TRDN: variants seen among roughly 807,000 people sequenced by gnomAD.
TRDN encodes the protein triadin, also known as triadin in skeletal muscle.
Under a neutral mutation model 149.7 loss-of-function variants are expected in TRDN, and 161 were observed. The observed-to-expected ratio is 1.08, with a 90% confidence interval of 0.95 to 1.23. The LOEUF (loss-of-function observed/expected upper bound fraction) is 1.23. Ranked by LOEUF, TRDN falls within the 50% of genes most tolerant of loss-of-function variation. The pLI is 0.00. For missense variants in TRDN, 896 were observed against 823.5 expected, an observed-to-expected ratio of 1.09 and a Z score of -1.08; for synonymous variants, 294 against 250.5, an observed-to-expected ratio of 1.17 and a Z score of -1.64.
In TRDN at chr6:123,236,530, T is replaced by G. The variant is rs141035875; in HGVS notation, c.1976-12399A>C. On this transcript the variant is annotated intron_variant, in intron 38 of 40. Coordinates refer to ENST00000334268, the MANE Select transcript of TRDN (RefSeq NM_006073.4). Reference sequence around the variant, plus strand: ...TGTCTTGTAACTCTTTGTCTAATGTTAGGTCTCAAAGATGTTTTCTCCTAA... The same window carrying G: ...TGTCTTGTAACTCTTTGTCTAATGTGAGGTCTCAAAGATGTTTTCTCCTAA... 8.9e-4 allele frequency among the ~76,000 whole-genome samples: 135 copies of G among 152,316 alleles called. No homozygotes were observed. In the East Asian group the frequency reaches 0.025, roughly 28 times the overall value.
chr6:123,524,607 C>T (rs1051594455), intron 5 of TRDN, among the ~76,000 whole-genome samples: 1 of 152,034 alleles, frequency 6.6e-6, no homozygotes, highest in Non-Finnish European at 1.5e-5. Context: ...AAGCTCTTCA[C>T]ATATAGTAAG....
intron 23 of TRDN, among the ~76,000 whole-genome samples, chr6:123,330,675 A>G (rs373105685): frequency 3.5e-4 from 53 of 152,196 alleles, no homozygotes; most frequent in African/African-American, 1.1e-3. Context: ...CTGAGAAAAA[A>G]AATCATGTTG....
chr6:123,577,213 G>A (rs1280316283), intron 1 of TRDN, among the ~76,000 whole-genome samples: 2 of 151,918 alleles, frequency 1.3e-5, no homozygotes, highest in African/African-American at 4.8e-5. Context: ...ATTTCACGGG[G>A]GTTTGTTGTA....
At chr6:123,275,983 T>C (rs1312471024) in intron 26 of TRDN, among the ~76,000 whole-genome samples, 1 of 152,124 alleles carries the variant, frequency 6.6e-6, no homozygotes, top group East Asian at 1.9e-4. Flanking sequence ...TAATGCCTTG[T>C]TACTGTGTCC....
chr6:123,510,053 G>A (rs1027904309), intron 7 of TRDN: 1 of 152,022 alleles, frequency 6.6e-6, no homozygotes. Flanking sequence ...ATGATTTCAT[G>A]TATATGTAAT....
intron 12 of TRDN, among the ~76,000 whole-genome samples, chr6:123,420,297 A>G (rs185651954): frequency 2.6e-5 from 4 of 152,330 alleles, no homozygotes; most frequent in African/African-American, 9.6e-5. Context: ...TCTGACATGC[A>G]CTAGTGGTAA....
chr6:123,580,631 T>G (rs1449067936), intron 1 of TRDN, among the ~76,000 whole-genome samples: 1 of 152,182 alleles, frequency 6.6e-6, no homozygotes, highest in Non-Finnish European at 1.5e-5. Context: ...ACCATGATTA[T>G]TATACCCTTT....
chr6:123,319,912 T>G (rs1342021359), intron 23 of TRDN, among the ~76,000 whole-genome samples: 4 of 152,102 alleles, frequency 2.6e-5, no homozygotes, highest in African/African-American at 9.7e-5. Context: ...TCATCAATAG[T>G]GTTTTCAAGT....
intron 9 of TRDN, among the ~76,000 whole-genome samples, chr6:123,472,806 C>T (rs930113780): frequency 6.6e-6 from 1 of 151,866 alleles, no homozygotes; most frequent in African/African-American, 2.4e-5. Flanking sequence ...AGCAGCCTAA[C>T]TGGGAGGCAA....
intron 12 of TRDN, among the ~76,000 whole-genome samples, chr6:123,428,642 T>A (rs1049964437): frequency 5.9e-5 from 9 of 152,178 alleles, no homozygotes; most frequent in African/African-American, 1.9e-4. Flanking sequence ...CCAGTCTCTA[T>A]CCTGATTAAA....
At chr6:123,617,589 T>C (rs1300648607) in intron 1 of TRDN, among the ~76,000 whole-genome samples, 1 of 152,182 alleles carries the variant, frequency 6.6e-6, no homozygotes, top group Non-Finnish European at 1.5e-5. Context: ...GAAAGAATAA[T>C]CTTGTTCGTC....
chr6:123,223,354 G>A lies in TRDN; in HGVS notation c.2014+739C>T, dbSNP rs537825768. On this transcript the variant is annotated intron_variant, in intron 39 of 40. Coordinates refer to ENST00000334268, the MANE Select transcript of TRDN (RefSeq NM_006073.4). The stretch of plus-strand genomic sequence containing the variant: ...TAATGGATGGCAGGATTAATACCTG[G>A]GTGATGAAATAATCTGTACAACAAA... 2.6e-5 allele frequency among the ~76,000 whole-genome samples: 4 copies of A among 151,708 alleles called. No individual in the cohort carries two copies. In the East Asian group the frequency reaches 5.9e-4, roughly 22 times the overall value.
At chr6:123,283,818 A>AT (rs1421210540) in intron 24 of TRDN, among the ~76,000 whole-genome samples, 1 of 149,330 alleles carries the variant, frequency 6.7e-6, no homozygotes, top group African/African-American at 2.5e-5. Flanking sequence ...AAAATTACCA[A>AT]TGAAAAAAAA....
intron 20 of TRDN, among the ~76,000 whole-genome samples, chr6:123,356,739 T>C (rs925978809): frequency 6.6e-6 from 1 of 150,646 alleles, no homozygotes; most frequent in African/African-American, 2.4e-5. Context: ...ATTACAATTA[T>C]AAATTTAAAA....
intron 24 of TRDN, among the ~76,000 whole-genome samples, chr6:123,281,214 G>A (rs1486749891): frequency 6.6e-6 from 1 of 151,984 alleles, no homozygotes; most frequent in African/African-American, 2.4e-5. Context: ...GTAATCACTG[G>A]CAATGATAAC....
chr6:123,223,620 T>C (rs962697968), intron 39 of TRDN, among the ~76,000 whole-genome samples: 3 of 151,748 alleles, frequency 2.0e-5, no homozygotes, highest in Non-Finnish European at 4.4e-5. Flanking sequence ...CCTGACTGTT[T>C]GTCCTCTGGC....
intron 10 of TRDN, among the ~76,000 whole-genome samples, chr6:123,454,646 C>T (rs74427634): frequency 1.2e-3 from 181 of 152,314 alleles, no homozygotes; most frequent in Non-Finnish European, 2.1e-3. Flanking sequence ...AACTAGGGTG[C>T]ACAGCAGGAG....
chr6:123,524,076 G>C (rs750687220), intron 5 of TRDN, among the ~76,000 whole-genome samples: 5 of 152,048 alleles, frequency 3.3e-5, no homozygotes, highest in Admixed American at 6.6e-5. Context: ...GCTGGAGTAC[G>C]CACATAGATA....
chr6:123,570,361 C>A (rs537194172), intron 2 of TRDN, among the ~76,000 whole-genome samples: 2 of 152,122 alleles, frequency 1.3e-5, no homozygotes, highest in South Asian at 2.1e-4. Flanking sequence ...TGTAAAATAT[C>A]ATTGAACAAA....
Sources: allele counts gnomAD v4.1 joint callset (sites outside exome capture counted in the v4.1 genomes callset), GRCh38; gene constraint gnomAD v4.1.1; transcripts MANE v1.5; gene names NCBI Gene and HGNC (gene_info 2026-07-23, HGNC 2026-07-21).